GJA9: variants seen among roughly 807,000 people sequenced by gnomAD.
GJA9 encodes the protein gap junction protein alpha 9.
Under a neutral mutation model 0.4 loss-of-function variants are expected in GJA9, and 1 was observed. The ratio of observed to expected loss-of-function variants is 2.50; its 90% CI spans 0.89 to 11.88. GJA9 has a LOEUF of 11.88. GJA9 is among the 30% of genes most tolerant of loss of function. The pLI, the probability that GJA9 is intolerant of heterozygous loss-of-function variation, is 0.12. For missense variants in GJA9, 550 were observed against 602.8 expected, an observed-to-expected ratio of 0.91 and a Z score of 0.92; for synonymous variants, 190 against 219.1, an observed-to-expected ratio of 0.87 and a Z score of 1.17.
intron 1 of GJA9, 45 bp from the exon 2 acceptor site, chr1:38,876,238 C>A (rs1305161283): frequency 1.4e-6 from 1 of 708,300 alleles, no homozygotes; most frequent in African/African-American, 1.8e-5. Context: ...ATGCTGGTTG[C>A]TTTACTTTTT....
intron 1 of GJA9, among the ~76,000 whole-genome samples, chr1:38,879,686 T>C (rs6703810): frequency 0.052 from 7,866 of 152,328 alleles, 289 homozygotes; most frequent in Middle Eastern, 0.16. Flanking sequence ...TAACTAGTTC[T>C]AGAGTCTTTA....
chr1:38,878,753 G>A (rs1216680590), intron 1 of GJA9, among the ~76,000 whole-genome samples: 1 of 101,496 alleles, frequency 9.9e-6, no homozygotes, highest in Non-Finnish European at 2.0e-5. Flanking sequence ...TTTTTTTTGA[G>A]ACGAAGTTTC....
rs1642575340 is a variant in GJA9, at chr1:38,875,794, A to G, written c.305T>C (p.Val102Ala). 6.2e-7 allele frequency: 1 copy of G among 1,613,958 alleles called. No individual in the cohort carries two copies. Residue 102 changes from valine to alanine, a missense_variant, in exon 2 of 2, where the codon GTT becomes GCT. Physicochemically the swap from Val to Ala is moderately conservative, Grantham distance 64 (BLOSUM62 0). Coordinates refer to ENST00000357771, the MANE Select transcript of GJA9 (RefSeq NM_030772.5). ...YMGHALYRLR[V>A]LEEERQRMKA... Reference sequence around the variant, plus strand: ...CATCCTTTGCCTCTCTTCCTCAAGAACTCTCAGTCGGTACAATGCATGGCC... The same window carrying G: ...CATCCTTTGCCTCTCTTCCTCAAGAGCTCTCAGTCGGTACAATGCATGGCC...
Position 38,874,688 on chromosome 1 carries a change from C to T in GJA9, c.1411G>A (p.Ala471Thr). The change falls in exon 2 of 2, where the codon GCT (alanine) becomes ACT (threonine). Residue 471 changes from alanine to threonine, a missense_variant. Coordinates refer to ENST00000357771, the MANE Select transcript of GJA9 (RefSeq NM_030772.5). ...DSQSLDIPNT[A>T]DSLGGLSFEP... Reference sequence around the variant, plus strand: ...AAGGACAGCCCTCCCAAAGAATCAGCAGTGTTTGGAATGTCAAGTGATTGA... The same window carrying T: ...AAGGACAGCCCTCCCAAAGAATCAGTAGTGTTTGGAATGTCAAGTGATTGA... 6.2e-7 allele frequency: 1 copy of T among 1,614,142 alleles called. No homozygotes were observed. The highest frequency in any genetic ancestry group is 8.5e-7 in the Non-Finnish European group (1 of 1,180,018).
Position 38,875,226 on chromosome 1 carries a change from T to C in GJA9, c.873A>G (p.Gln291=). 2 of 1,614,180 alleles carry C rather than the reference T, an allele frequency of 1.2e-6. No homozygotes were observed. The highest frequency in any genetic ancestry group is 1.7e-6 in the Non-Finnish European group (2 of 1,180,010). The change falls in exon 2 of 2, where the codon CAA becomes CAG. Residue 291 remains glutamine, a synonymous_variant. Coordinates refer to ENST00000357771, the MANE Select transcript of GJA9 (RefSeq NM_030772.5). ...APDYNLLVEK[Q]THTAVYPSLN... ...AACTAGGGTACACTGCAGTGTGTGT[T>C]TGCTTTTCCACTAACAGATTATAAT...
chr1:38,877,465 C>T (rs1642608500), intron 1 of GJA9, among the ~76,000 whole-genome samples: 1 of 152,128 alleles, frequency 6.6e-6, no homozygotes, highest in South Asian at 2.1e-4. Context: ...CCCAACATGC[C>T]ATTACTGGCT....
In GJA9 at chr1:38,874,217, A is replaced by T; in HGVS notation, c.*334T>A. On this transcript the variant is annotated 3_prime_UTR_variant, in exon 2 of 2. Coordinates refer to ENST00000357771, the MANE Select transcript of GJA9 (RefSeq NM_030772.5). ...CAAGGTGGAATTGTATAGATCAAGA[A>T]CCATTTCCTAAGGCTGTGGTCTCTT... 2.9e-6 allele frequency: 1 copy of T among 342,364 alleles called. No individual in the cohort carries two copies. Among genetic ancestry groups the T allele is most frequent in the Non-Finnish European group, 5.5e-6 (1 of 180,962 alleles). The allele number at this position is 342,364 out of a possible 1,614,324, so 21.2% of individuals were successfully genotyped here. A position where few individuals can be genotyped will look rare whatever the true frequency, so the allele number is the denominator to read the frequency against.
At position 38,875,962 on chromosome 1, in the gene GJA9, T is replaced by C; in HGVS notation, c.137A>G (p.Asn46Ser). ...VLGVAAEDVW[N>S]DEQSGFICNT... is the part of the protein sequence containing the mutation. ...GCAGATGAAGCCAGACTGCTCATCA[T>C]TCCAGACATCTTCAGCTGCTACACC... is the stretch of plus-strand genomic sequence containing the variant. The change falls in exon 2 of 2, where the codon AAT becomes AGT. Residue 46 changes from asparagine (N) to serine (S), a missense_variant. By Grantham distance (46) the Asn-to-Ser change is conservative (BLOSUM62 1). Coordinates refer to ENST00000357771, the MANE Select transcript of GJA9 (RefSeq NM_030772.5). 1 of 1,614,196 alleles carries C rather than the reference T, an allele frequency of 6.2e-7. No individual in the cohort carries two copies. Among genetic ancestry groups the C allele is most frequent in the Non-Finnish European group, 8.5e-7 (1 of 1,180,026 alleles).
intron 1 of GJA9, among the ~76,000 whole-genome samples, chr1:38,876,686 G>A (rs1331948218): frequency 6.6e-6 from 1 of 151,940 alleles, no homozygotes; most frequent in Non-Finnish European, 1.5e-5. Flanking sequence ...GAGGAGGAGT[G>A]TATATATTCT....
At position 38,874,329 on chromosome 1, in the gene GJA9, TAAA is replaced by T; in HGVS notation, c.*219_*221del. Reference sequence around the variant, plus strand: ...CAGTTACATTCGAAAGGATATCATTTAAAAAAAAAAAAATCCTGATTTGACAAC... The same window carrying T: ...CAGTTACATTCGAAAGGATATCATTTAAAAAAAAAATCCTGATTTGACAAC... On this transcript the variant is annotated 3_prime_UTR_variant, in exon 2 of 2. Transcript: ENST00000357771. 2 of 431,010 alleles carry T rather than the reference TAAA, an allele frequency of 4.6e-6. No individual in the cohort carries two copies. The highest frequency in any genetic ancestry group is 8.2e-6 in the Non-Finnish European group (2 of 242,538). The allele number at this position is 431,010 out of a possible 1,614,324, so 26.7% of individuals were successfully genotyped here.
At position 38,881,565 on chromosome 1, in the gene GJA9, G is replaced by GTCA. The variant is rs1367668008; in HGVS notation, c.-232_-230dup. ...CAGTTCAGTTGAATGTAGTGAGTGA[G>GTCA]TCATCCATCAACTAAAATCCATGTC... is the stretch of plus-strand genomic sequence containing the variant. On this transcript the variant is annotated 5_prime_UTR_variant, in exon 1 of 2. It adds an upstream start codon to the 5' untranslated region. Coordinates refer to ENST00000357771, the MANE Select transcript of GJA9 (RefSeq NM_030772.5). The GTCA allele has an allele frequency of 1.5e-6, 1 of 677,588 alleles. No homozygotes were observed. The highest frequency in any genetic ancestry group is 1.8e-5 in the African/African-American group (1 of 56,186). 42.0% of individuals were successfully genotyped at this position (677,588 alleles called of 1,614,324 possible). A position where few individuals can be genotyped will look rare whatever the true frequency, so the allele number is the denominator to read the frequency against.
rs886286890 is a variant in GJA9 at position 38,874,461 on chromosome 1, T to C, written c.*90A>G. The C allele has an allele frequency of 1.0e-6, 1 of 975,852 alleles. No individual in the cohort carries two copies. Among genetic ancestry groups the C allele is most frequent in the Non-Finnish European group, 1.6e-6 (1 of 644,410 alleles). The allele number at this position is 975,852 out of a possible 1,614,324, so 60.4% of individuals were successfully genotyped here. On this transcript the variant is annotated 3_prime_UTR_variant, in exon 2 of 2. Transcript: ENST00000357771. ...GTTGTCTGTCTTAACAGCTGGTCTT[T>C]AGAGCTGCCCCTATCTATTTTTTCT... is the stretch of plus-strand genomic sequence containing the variant.
intron 1 of GJA9, among the ~76,000 whole-genome samples, chr1:38,879,953 G>A (rs1273182074): frequency 2.6e-5 from 4 of 151,366 alleles, no homozygotes; most frequent in Non-Finnish European, 5.9e-5. Context: ...TCCTGACCTC[G>A]TGATCCTCCC....
chr1:38,874,712 G>T lies in GJA9; in HGVS notation c.1387C>A (p.Gln463Lys). 6.2e-7 allele frequency: 1 copy of T among 1,614,234 alleles called. No individual in the cohort carries two copies. The highest frequency in any genetic ancestry group is 8.5e-7 in the Non-Finnish European group (1 of 1,180,044). Residue 463 changes from glutamine to lysine, a missense_variant, in exon 2 of 2, where the codon CAA (glutamine) becomes AAA (lysine). Transcript: ENST00000357771. ...GCAGTGTTTGGAATGTCAAGTGATT[G>T]AGAATCTCCTTGTGAAGGAGGAAGG... ...RTLPPSQGDS[Q>K]SLDIPNTADS...
intron 1 of GJA9, among the ~76,000 whole-genome samples, chr1:38,878,856 C>T (rs1048206325): frequency 3.3e-5 from 5 of 150,962 alleles, no homozygotes; most frequent in Admixed American, 2.0e-4. Flanking sequence ...GCCCCAGGCT[C>T]CAGAGTAGCT....
chr1:38,881,381 A>G (rs1642695022), intron 1 of GJA9, 51 bp downstream of exon 1: 1 of 698,424 alleles, frequency 1.4e-6, no homozygotes, highest in Non-Finnish European at 2.6e-6. Context: ...AGATAAAAAC[A>G]TTTCAAACAA....
At position 38,880,078 on chromosome 1, in the gene GJA9, GAAACTTTCCATTGACTTTAT is replaced by G. The variant is rs757407570; in HGVS notation, c.-96+1334_-96+1353del. On this transcript the variant is annotated intron_variant, in intron 1 of 1. Coordinates refer to ENST00000357771, the MANE Select transcript of GJA9 (RefSeq NM_030772.5). ...AATATAGTTGTATTCCTGAAATAGA[GAAACTTTCCATTGACTTTAT>G]TATGTTAATAATAGCATACTCTGGC... Among the ~76,000 whole-genome samples, 470 of 150,264 alleles carry G rather than the reference GAAACTTTCCATTGACTTTAT, an allele frequency of 3.1e-3. 1 individual carries two copies. The highest frequency in any genetic ancestry group is 5.4e-3 in the Non-Finnish European group (363 of 67,494).
intron 1 of GJA9, among the ~76,000 whole-genome samples, chr1:38,878,135 G>A (rs1642623276): frequency 6.6e-6 from 1 of 151,736 alleles, no homozygotes; most frequent in African/African-American, 2.4e-5. Flanking sequence ...CTAGAGTGCA[G>A]TGGCAGGATC....
At position 38,881,474 on chromosome 1, in the gene GJA9, AAG is replaced by A; in HGVS notation, c.-140_-139del. 1.4e-6 allele frequency: 1 copy of A among 701,910 alleles called. No individual in the cohort carries two copies. Among genetic ancestry groups the A allele is most frequent in the Non-Finnish European group, 2.6e-6 (1 of 384,612 alleles). 43.5% of individuals were successfully genotyped at this position (701,910 alleles called of 1,614,324 possible). A position where few individuals can be genotyped will look rare whatever the true frequency, so the allele number is the denominator to read the frequency against. ...AATCTGAGAAGCAAACCATGTTTAGAAGTTACAGCATGGCCATCTTCAATTTA... is the reference window on the plus strand; with the variant it reads ...AATCTGAGAAGCAAACCATGTTTAGATTACAGCATGGCCATCTTCAATTTA... On this transcript the variant is annotated 5_prime_UTR_variant, in exon 1 of 2. Coordinates refer to ENST00000357771, the MANE Select transcript of GJA9 (RefSeq NM_030772.5).
Sources: gnomAD v4.1 joint callset for allele counts (sites outside exome capture counted in the v4.1 genomes callset) on GRCh38, gnomAD v4.1.1 for gene constraint, MANE v1.5 for transcripts, NCBI Gene and HGNC (gene_info 2026-07-23, HGNC 2026-07-21) for gene names.